The following CR1 variants were observed in gnomAD, a reference collection of about 807,000 sequenced individuals.
CR1 encodes complement receptor type 1.
A neutral mutation model predicts 187.3 loss-of-function variants in CR1; 116 were observed. The observed-to-expected ratio is 0.62, with a 90% confidence interval of 0.53 to 0.72. The LOEUF (loss-of-function observed/expected upper bound fraction) is 0.72, where lower values mean the gene tolerates loss of function less well. CR1 is among the 30% of genes least tolerant of loss of function. The probability of loss-of-function intolerance (pLI) is 0.00; values close to 1 mark genes in which losing one functional copy is unlikely to be tolerated. For missense variants in CR1, 1,731 were observed against 2,110.7 expected (o/e 0.82, Z 3.52); for synonymous variants, 576 against 747.1 (o/e 0.77, Z 3.73).
intron 46 of CR1, among the ~76,000 whole-genome samples, chr1:207,634,544 C>G (rs1046439979): frequency 2.0e-5 from 3 of 152,034 alleles, no homozygotes; most frequent in Non-Finnish European, 2.9e-5. Context: ...ATACAGGTAA[C>G]AGGTGATGCT....
intron 45 of CR1, among the ~76,000 whole-genome samples, chr1:207,625,219 A>G (rs1662444132): frequency 6.6e-6 from 1 of 152,184 alleles, no homozygotes; most frequent in African/African-American, 2.4e-5. Flanking sequence ...CCATTTCTTC[A>G]TGTTTTCCAT....
chr1:207,514,060 C>T (rs1417116195), intron 4 of CR1, among the ~76,000 whole-genome samples: 1 of 151,998 alleles, frequency 6.6e-6, no homozygotes, highest in Non-Finnish European at 1.5e-5. Context: ...GTTTATCAAA[C>T]ACTTTAGTTA....
chr1:207,573,191 G>A (rs1231869431), intron 27 of CR1, among the ~76,000 whole-genome samples: 4 of 151,998 alleles, frequency 2.6e-5, no homozygotes, highest in Non-Finnish European at 5.9e-5. Context: ...CTCAGCACAC[G>A]GTGGAGGCTC....
intron 27 of CR1, among the ~76,000 whole-genome samples, chr1:207,574,325 G>A (rs550823431): frequency 5.0e-4 from 76 of 152,244 alleles, no homozygotes; most frequent in Non-Finnish European, 8.2e-4. Flanking sequence ...AAAGAAATAA[G>A]TTTATTGACA....
rs191557158 is a variant in CR1 at position 207,577,581 on chromosome 1, C to T, written c.4538-224C>T. ...GGCCAGGAGTTCAAGACTAGCCTGC[C>T]CAACATGGCCAAACCCCATCTCTAC... On this transcript the variant is annotated intron_variant, in intron 28 of 46. Transcript: ENST00000367049. Among the ~76,000 whole-genome samples, 248 of 152,118 alleles carry T rather than the reference C, an allele frequency of 1.6e-3. 3 individuals carry two copies. Among genetic ancestry groups the T allele is most frequent in the African/African-American group, 5.9e-3 (245 of 41,498 alleles).
At chr1:207,579,091 A>G (rs1660856086) in intron 29 of CR1, among the ~76,000 whole-genome samples, 1 of 152,246 alleles carries the variant, frequency 6.6e-6, no homozygotes, top group East Asian at 1.9e-4. Flanking sequence ...TTGATGTTAA[A>G]ATGGGTTCTG....
chr1:207,515,229 G>A (rs1284128603), intron 4 of CR1, among the ~76,000 whole-genome samples: 5 of 133,426 alleles, frequency 3.7e-5, no homozygotes, highest in Admixed American at 7.2e-5. Context: ...ATATATATAC[G>A]TATATATACA....
At chr1:207,584,087 A>C (rs1198300802) in intron 32 of CR1, among the ~76,000 whole-genome samples, 1 of 152,222 alleles carries the variant, frequency 6.6e-6, no homozygotes, top group African/African-American at 2.4e-5. Flanking sequence ...ACAGGAGTAC[A>C]TAGCATTTTT....
rs200621891 is a variant in CR1 at position 207,584,871 on chromosome 1, G to T, written c.5525G>T (p.Arg1842Leu). Reference sequence around the variant, plus strand: ...GCCCCTCGCTGTGAACTTTCTGTTCGTGCTGGTCAGTATCCACTTCCACAT... The same window carrying T: ...GCCCCTCGCTGTGAACTTTCTGTTCTTGCTGGTCAGTATCCACTTCCACAT... ...SPAPRCELSVRAGHCKTPEQF... is the reference protein window; with the variant it reads ...SPAPRCELSVLAGHCKTPEQF... Residue 1842 changes from arginine (R) to leucine (L), a missense_variant, in exon 33 of 47, where the codon CGT becomes CTT. Arg to Leu is a moderately radical substitution (Grantham distance 102). Around this residue, in one of 5 missense-constraint regions of CR1, gnomAD observed 1,312 missense variants for 1,379.6 expected, o/e 0.95. Transcript: ENST00000367049. 9.3e-6 allele frequency: 15 copies of T among 1,613,898 alleles called. No homozygotes were observed. The highest frequency in any genetic ancestry group is 1.3e-5 in the Non-Finnish European group (15 of 1,179,842).
At chr1:207,618,803 T>C (rs1456457427) in intron 42 of CR1, among the ~76,000 whole-genome samples, 1 of 151,966 alleles carries the variant, frequency 6.6e-6, no homozygotes, top group African/African-American at 2.4e-5. Context: ...CCCAGCACTT[T>C]GGGAGGCTGA....
chr1:207,618,240 T>C lies in CR1; in HGVS notation c.7059T>C (p.Tyr2353=). Residue 2353 remains tyrosine, a synonymous_variant, in exon 42 of 47, where the codon TAT becomes TAC. Coordinates refer to ENST00000367049, the MANE Select transcript of CR1 (RefSeq NM_000651.6). The part of the protein sequence containing the change: ...DQGIWSQLDH[Y]CKEVNCSFPL... ...GAATCTGGAGCCAATTGGATCATTA[T>C]TGCAAAGGTGACTTATTTCTTGGTA... 6.2e-7 allele frequency: 1 copy of C among 1,613,422 alleles called. No individual in the cohort carries two copies. Among genetic ancestry groups the C allele is most frequent in the South Asian group, 1.1e-5 (1 of 90,970 alleles).
intron 24 of CR1, among the ~76,000 whole-genome samples, 184 bp from the exon 25 acceptor site, chr1:207,567,640 A>G (rs370990217): frequency 6.0e-5 from 9 of 150,164 alleles, no homozygotes; most frequent in Non-Finnish European, 1.0e-4. Flanking sequence ...GGATAGACAA[A>G]TCTCTTTTGT....
rs1368752419 is a variant in CR1, at chr1:207,616,741, C to T, written c.6828C>T (p.Asp2276=). Residue 2276 remains aspartate, a synonymous_variant, in exon 41 of 47, where the codon GAC becomes GAT. Coordinates refer to ENST00000367049, the MANE Select transcript of CR1 (RefSeq NM_000651.6). Reference sequence around the variant, plus strand: ...AGAGCTCCATCCGCTGCACAAGTGACCCTCAAGGGAATGGGGTTTGGAGCA... The same window carrying T: ...AGAGCTCCATCCGCTGCACAAGTGATCCTCAAGGGAATGGGGTTTGGAGCA... ...IGESSIRCTS[D]PQGNGVWSSP... 6 of 1,613,836 alleles carry T rather than the reference C, an allele frequency of 3.7e-6. No homozygotes were observed. The highest frequency in any genetic ancestry group is 4.2e-6 in the Non-Finnish European group (5 of 1,179,874).
intron 33 of CR1, among the ~76,000 whole-genome samples, chr1:207,585,741 AT>A (rs1211360039): frequency 6.6e-6 from 1 of 152,288 alleles, no homozygotes; most frequent in Non-Finnish European, 1.5e-5. Context: ...AATGCAGTAA[AT>A]TTTTTTAATG....
intron 4 of CR1, among the ~76,000 whole-genome samples, chr1:207,514,324 G>A (rs1339939775): frequency 1.3e-5 from 2 of 152,052 alleles, no homozygotes; most frequent in African/African-American, 4.8e-5. Context: ...GTGGTGTTTA[G>A]TATATTCACA....
At chr1:207,623,786 G>A (rs1444180253) in intron 45 of CR1, among the ~76,000 whole-genome samples, 1 of 151,950 alleles carries the variant, frequency 6.6e-6, no homozygotes, top group Non-Finnish European at 1.5e-5. Flanking sequence ...CATAGCACTA[G>A]AAGTTAGATT....
rs1558244943 is a variant in CR1 at position 207,580,608 on chromosome 1, T to A, written c.5211T>A (p.Asp1737Glu). ...QLGAKVSFVC[D>E]EGFRLKGSSV... ...GGGCAAAGGTGTCCTTTGTCTGTGATGAAGGGTAAGTGTGACCCAGAATTC... is the reference window on the plus strand; with the variant it reads ...GGGCAAAGGTGTCCTTTGTCTGTGAAGAAGGGTAAGTGTGACCCAGAATTC... The change falls in exon 31 of 47, where the codon GAT (aspartate) becomes GAA (glutamate). Residue 1737 changes from aspartate (D) to glutamate (E), a missense_variant. Coordinates refer to ENST00000367049, the MANE Select transcript of CR1 (RefSeq NM_000651.6). The A allele has an allele frequency of 1.2e-6, 2 of 1,613,108 alleles. No individual in the cohort carries two copies. Among genetic ancestry groups the A allele is most frequent in the East Asian group, 2.2e-5 (1 of 44,858 alleles).
chr1:207,511,729 C>A, intron 4 of CR1, 75 bp downstream of exon 4: 1 of 1,414,820 alleles, frequency 7.1e-7, no homozygotes, highest in Non-Finnish European at 9.9e-7. Context: ...AAAATCTTAA[C>A]TGAATTCCTT....
chr1:207,512,520 A>G (rs1056661068), intron 4 of CR1, among the ~76,000 whole-genome samples: 22 of 152,346 alleles, frequency 1.4e-4, no homozygotes, highest in African/African-American at 3.6e-4. Flanking sequence ...TGAGAGAAAT[A>G]CAGTGTATAA....
Sources: gnomAD v4.1 joint callset for allele counts (sites outside exome capture counted in the v4.1 genomes callset) on GRCh38, gnomAD v4.1.1 for gene constraint, gnomAD v4.1.1 regional missense constraint, MANE v1.5 for transcripts, NCBI Gene and HGNC (gene_info 2026-07-23, HGNC 2026-07-21) for gene names.